Variants in SLC39A10 observed in about 807,000 individuals in gnomAD.
SLC39A10 encodes zinc transporter ZIP10.
A neutral mutation model predicts 65.1 loss-of-function variants in SLC39A10; 13 were observed. That is an observed-to-expected ratio of 0.20 (90% confidence interval 0.13 to 0.32). The LOEUF (loss-of-function observed/expected upper bound fraction) is 0.32. Ranked by LOEUF, SLC39A10 falls within the 10% of genes least tolerant of loss-of-function variation. SLC39A10 has a pLI of 1.00. For missense variants in SLC39A10, 831 were observed against 1,018.4 expected (o/e 0.82, Z 2.50); for synonymous variants, 321 against 342.2 (o/e 0.94, Z 0.68).
intron 2 of SLC39A10, 152 bp downstream of exon 2, chr2:195,681,202 A>G (rs551977026): frequency 2.3e-6 from 2 of 865,330 alleles, no homozygotes; most frequent in South Asian, 1.9e-5. Flanking sequence ...GTTCATGAAC[A>G]GAATACATTA....
At chr2:195,694,410 A>C (rs920173904) in intron 3 of SLC39A10, among the ~76,000 whole-genome samples, 8 of 152,032 alleles carry the variant, frequency 5.3e-5, no homozygotes, top group Non-Finnish European at 7.4e-5. Flanking sequence ...TAAAGTCAAA[A>C]CTCAAGGTCT....
At chr2:195,619,624 A>C (rs939710636) in intron 2 of SLC39A10, among the ~76,000 whole-genome samples, 1 of 152,252 alleles carries the variant, frequency 6.6e-6, no homozygotes. Flanking sequence ...CAAATGCAGA[A>C]GCTATAGAAT....
intron 1 of SLC39A10, among the ~76,000 whole-genome samples, chr2:195,669,725 C>T (rs1040155611): frequency 1.3e-5 from 2 of 152,040 alleles, no homozygotes; most frequent in Non-Finnish European, 1.5e-5. Context: ...AGGCTGGGCA[C>T]GATGGCTTAC....
At position 195,633,792 on chromosome 2, in the gene SLC39A10, A is replaced by G. The variant is rs1463896006; in HGVS notation, c.-12+27559A>G. On this transcript the variant is annotated intron_variant, in intron 2 of 2. Transcript: ENST00000458054. ...GTCAAACTACTTCTCTCCAACATTC[A>G]GCTGCTTCTTCTCCTCTTGATGTTT... 5.3e-5 allele frequency among the ~76,000 whole-genome samples: 8 copies of G among 152,074 alleles called. No homozygotes were observed. In the East Asian group the frequency reaches 1.2e-3, roughly 22 times the overall value.
intron 1 of SLC39A10, among the ~76,000 whole-genome samples, chr2:195,678,814 G>A (rs1043700129): frequency 5.9e-5 from 9 of 151,924 alleles, no homozygotes; most frequent in South Asian, 2.1e-4. Context: ...TAAAAAGAAT[G>A]TAAAATATTT....
chr2:195,711,896 T>G (rs1439779235), intron 5 of SLC39A10, among the ~76,000 whole-genome samples: 1 of 152,046 alleles, frequency 6.6e-6, no homozygotes, highest in Non-Finnish European at 1.5e-5. Context: ...ATGGTTGCCG[T>G]TTTTTTTCTT....
intron 1 of SLC39A10, chr2:195,670,350 T>C (rs1689809240): frequency 6.6e-6 from 1 of 152,144 alleles, no homozygotes; most frequent in Non-Finnish European, 1.5e-5. Flanking sequence ...ACATACCATG[T>C]TTTTTTGTGG....
intron 9 of SLC39A10, among the ~76,000 whole-genome samples, chr2:195,734,171 A>AAG (rs1202534357): frequency 6.6e-6 from 1 of 150,742 alleles, no homozygotes; most frequent in Non-Finnish European, 1.5e-5. Flanking sequence ...AAAAAAAAAA[A>AAG]AAAAAAAAAG....
chr2:195,613,172 G>A (rs1402498535), intron 2 of SLC39A10, among the ~76,000 whole-genome samples: 1 of 151,902 alleles, frequency 6.6e-6, no homozygotes, highest in Non-Finnish European at 1.5e-5. Context: ...GCACCCTTCT[G>A]TTCCCCCACC....
chr2:195,657,536 G>A, intron 1 of SLC39A10: 1 of 983,500 alleles, frequency 1.0e-6, no homozygotes, highest in Non-Finnish European at 1.2e-6. Context: ...GGGCTGCTGC[G>A]GGCCGCGGGA....
intron 3 of SLC39A10, among the ~76,000 whole-genome samples, chr2:195,693,661 G>A (rs775876804): frequency 6.6e-6 from 1 of 151,928 alleles, no homozygotes; most frequent in Admixed American, 6.6e-5. Context: ...CTCCTGTTTG[G>A]TTTCTAATTG....
At chr2:195,614,192 C>T (rs1417555980) in intron 2 of SLC39A10, among the ~76,000 whole-genome samples, 1 of 152,148 alleles carries the variant, frequency 6.6e-6, no homozygotes, top group East Asian at 1.9e-4. Flanking sequence ...AGTTAAAGGG[C>T]TTGGAATAGC....
chr2:195,694,021 A>G (rs1023662745), intron 3 of SLC39A10, among the ~76,000 whole-genome samples: 1 of 152,178 alleles, frequency 6.6e-6, no homozygotes, highest in Non-Finnish European at 1.5e-5. Flanking sequence ...CTCAGTTCAG[A>G]TAATTTTTTA....
At chr2:195,700,668 C>G (rs187358291) in intron 3 of SLC39A10, among the ~76,000 whole-genome samples, 1 of 152,130 alleles carries the variant, frequency 6.6e-6, no homozygotes, top group Non-Finnish European at 1.5e-5. Context: ...CACTTTTGAA[C>G]GTCAATTTTG....
At chr2:195,675,708 A>T (rs1301836614) in intron 1 of SLC39A10, among the ~76,000 whole-genome samples, 1 of 152,222 alleles carries the variant, frequency 6.6e-6, no homozygotes, top group Non-Finnish European at 1.5e-5. Context: ...CTGGGATTAC[A>T]GGCGTGAGCC....
At chr2:195,722,254 G>C (rs1692070699) in intron 8 of SLC39A10, among the ~76,000 whole-genome samples, 2 of 152,134 alleles carry the variant, frequency 1.3e-5, no homozygotes, top group African/African-American at 4.8e-5. Context: ...AAAGGAGTGG[G>C]CTTTTAGAAA....
chr2:195,735,140 C>A lies in SLC39A10; in HGVS notation c.*99C>A. On this transcript the variant is annotated 3_prime_UTR_variant, in exon 10 of 10. Coordinates refer to ENST00000359634, the MANE Select transcript of SLC39A10 (RefSeq NM_020342.3). The stretch of plus-strand genomic sequence containing the variant: ...ACATTGCTCAAAGGAAAGTCAGTGG[C>A]TTGCACTACTTACAAGTTTCATAGA... The A allele has an allele frequency of 8.0e-7, 1 of 1,249,380 alleles. No homozygotes were observed. The highest frequency in any genetic ancestry group is 1.1e-6 in the Non-Finnish European group (1 of 914,764). 77.4% of individuals were successfully genotyped at this position (1,249,380 alleles called of 1,614,324 possible). A position where few individuals can be genotyped will look rare whatever the true frequency, so the allele number is the denominator to read the frequency against.
chr2:195,732,195 A>G (rs1692453223), intron 9 of SLC39A10, among the ~76,000 whole-genome samples: 1 of 152,212 alleles, frequency 6.6e-6, no homozygotes, highest in Non-Finnish European at 1.5e-5. Flanking sequence ...TTGGAGAGCC[A>G]TGAAAAAGTT....
At chr2:195,718,400 C>T (rs1181773652) in intron 8 of SLC39A10, 68 bp downstream of exon 8, 3 of 1,191,100 alleles carry the variant, frequency 2.5e-6, no homozygotes, top group Non-Finnish European at 3.7e-6. Flanking sequence ...TAATTGCATT[C>T]AAATTTCAGA....
Sources: gnomAD v4.1 joint callset for allele counts (sites outside exome capture counted in the v4.1 genomes callset) on GRCh38, gnomAD v4.1.1 for gene constraint, MANE v1.5 for transcripts, NCBI Gene and HGNC (gene_info 2026-07-23, HGNC 2026-07-21) for gene names.